Variants in C8orf34 observed in about 807,000 individuals in gnomAD.
The protein encoded by C8orf34 is uncharacterized protein C8orf34.
Under a neutral mutation model 68.3 loss-of-function variants are expected in C8orf34, and 65 were observed. That is an observed-to-expected ratio of 0.95 (90% CI 0.78 to 1.17). C8orf34 has a LOEUF of 1.17. C8orf34 is among the 50% of genes most tolerant of loss of function. The pLI is 0.00. For missense variants in C8orf34, 664 were observed against 655.4 expected, an observed-to-expected ratio of 1.01 and a Z score of -0.14; for synonymous variants, 244 against 241.2, an observed-to-expected ratio of 1.01 and a Z score of -0.11.
intron 11 of C8orf34, among the ~76,000 whole-genome samples, chr8:68,776,816 A>G (rs1348600699): frequency 6.6e-6 from 1 of 152,244 alleles, no homozygotes; most frequent in African/African-American, 2.4e-5. Flanking sequence ...AGAACAATCT[A>G]TACTAGGTCT....
At chr8:68,740,688 A>G (rs1420032082) in intron 10 of C8orf34, among the ~76,000 whole-genome samples, 2 of 152,218 alleles carry the variant, frequency 1.3e-5, no homozygotes, top group Non-Finnish European at 2.9e-5. Flanking sequence ...TCAGTTACTC[A>G]AAGACCTAGA....
At chr8:68,470,954 C>G (rs1280960193) in intron 4 of C8orf34, among the ~76,000 whole-genome samples, 1 of 152,094 alleles carries the variant, frequency 6.6e-6, no homozygotes, top group Non-Finnish European at 1.5e-5. Flanking sequence ...ACAACTGAGT[C>G]CAATGATCAG....
rs1270765698 is a variant in C8orf34 at position 68,510,972 on chromosome 8, AT to A, written c.766-10826del. Among the ~76,000 whole-genome samples, 4 of 152,306 alleles carry A rather than the reference AT, an allele frequency of 2.6e-5. No individual in the cohort carries two copies. The East Asian group carries it at 7.7e-4, about 29-fold the overall frequency. ...GTACAGGGACTGCATAGATGAGGGT[AT>A]GAGGCCAGTCTCCCCAGTGGGCTTA... On this transcript the variant is annotated intron_variant, in intron 5 of 13. Transcript: ENST00000518698.
intron 7 of C8orf34, among the ~76,000 whole-genome samples, chr8:68,605,250 A>G (rs527260068): frequency 6.6e-6 from 1 of 152,256 alleles, no homozygotes; most frequent in South Asian, 2.1e-4. Flanking sequence ...GCTCTCATTC[A>G]TTCCTGGTAG....
At chr8:68,651,644 T>G (rs780651856) in intron 8 of C8orf34, among the ~76,000 whole-genome samples, 2 of 152,178 alleles carry the variant, frequency 1.3e-5, no homozygotes, top group Non-Finnish European at 2.9e-5. Context: ...GTGAAATAGC[T>G]AAGAAACAGA....
chr8:68,661,729 C>T (rs986437229), intron 8 of C8orf34, among the ~76,000 whole-genome samples: 12 of 151,928 alleles, frequency 7.9e-5, no homozygotes, highest in East Asian at 3.9e-4. Flanking sequence ...TAGGTAAGCC[C>T]GTTGTGCAAG....
At chr8:68,494,516 G>A (rs1267240458) in intron 5 of C8orf34, among the ~76,000 whole-genome samples, 1 of 152,102 alleles carries the variant, frequency 6.6e-6, no homozygotes, top group Non-Finnish European at 1.5e-5. Flanking sequence ...ACTAAAAATG[G>A]TTAAGATGGT....
At chr8:68,611,748 T>C (rs941878926) in intron 7 of C8orf34, among the ~76,000 whole-genome samples, 1 of 152,100 alleles carries the variant, frequency 6.6e-6, no homozygotes, top group Admixed American at 6.6e-5. Context: ...GTTTATAGAG[T>C]TTAAATCTGC....
At chr8:68,406,693 G>A (rs1175922586) in intron 1 of C8orf34, among the ~76,000 whole-genome samples, 2 of 151,800 alleles carry the variant, frequency 1.3e-5, no homozygotes, top group South Asian at 2.1e-4. Flanking sequence ...ACAGGGTTTC[G>A]CCATGTTGCC....
chr8:68,724,925 T>C (rs1447643515), intron 10 of C8orf34, among the ~76,000 whole-genome samples: 1 of 152,048 alleles, frequency 6.6e-6, no homozygotes. Context: ...AGTGGTGCTA[T>C]CACAGCTCAC....
At chr8:68,332,324 C>G (rs1481669337) in intron 1 of C8orf34, among the ~76,000 whole-genome samples, 1 of 147,290 alleles carries the variant, frequency 6.8e-6, no homozygotes, top group Non-Finnish European at 1.5e-5. Context: ...TGACCGGCGG[C>G]GAGAGTTCGC....
At chr8:68,450,201 C>T (rs2129627377) in intron 3 of C8orf34, among the ~76,000 whole-genome samples, 1 of 152,276 alleles carries the variant, frequency 6.6e-6, no homozygotes, top group South Asian at 2.1e-4. Flanking sequence ...GAGATTGTGG[C>T]AATTCAGTCA....
chr8:68,639,596 A>G (rs1818944440), intron 7 of C8orf34, among the ~76,000 whole-genome samples: 1 of 152,156 alleles, frequency 6.6e-6, no homozygotes, highest in South Asian at 2.1e-4. Context: ...ATCTTTTGAA[A>G]CTTTATGTAT....
chr8:68,642,761 A>AAT (rs1445288696), intron 8 of C8orf34, among the ~76,000 whole-genome samples: 1 of 152,238 alleles, frequency 6.6e-6, no homozygotes, highest in East Asian at 1.9e-4. Flanking sequence ...GTGTTAGATC[A>AAT]GCAGTCTTCA....
At chr8:68,367,761 AG>A (rs1433816353) in intron 1 of C8orf34, among the ~76,000 whole-genome samples, 6 of 91,802 alleles carry the variant, frequency 6.5e-5, no homozygotes, top group African/African-American at 2.1e-4. Flanking sequence ...GGGTGGGGGG[AG>A]GGGGGATGGA....
chr8:68,422,518 C>T (rs189579644), intron 1 of C8orf34, among the ~76,000 whole-genome samples: 6 of 152,294 alleles, frequency 3.9e-5, no homozygotes, highest in African/African-American at 7.2e-5. Flanking sequence ...CAGCTCTACT[C>T]CTGTGGTTTT....
At position 68,708,113 on chromosome 8, in the gene C8orf34, C is replaced by A. The variant is rs143422142; in HGVS notation, c.1242-881C>A. On this transcript the variant is annotated intron_variant, in intron 8 of 13. Transcript: ENST00000518698. ...TTTCAGGAAATTCCCCTTGAGAATT[C>A]TTTAATTTTCTTATACAATACAGTA... 5.3e-5 allele frequency among the ~76,000 whole-genome samples: 8 copies of A among 152,168 alleles called. No homozygotes were observed. The East Asian group carries it at 1.5e-3, about 29-fold the overall frequency.
chr8:68,728,519 G>T (rs748447549), intron 10 of C8orf34, among the ~76,000 whole-genome samples: 15 of 152,230 alleles, frequency 9.9e-5, no homozygotes, highest in Non-Finnish European at 1.6e-4. Flanking sequence ...CTGTTTTCAC[G>T]CTGCTGATAA....
intron 1 of C8orf34, among the ~76,000 whole-genome samples, chr8:68,349,238 G>A (rs1279461135): frequency 6.6e-6 from 1 of 151,912 alleles, no homozygotes; most frequent in Non-Finnish European, 1.5e-5. Flanking sequence ...ATAATCATGT[G>A]GTTTTTGTCT....
Sources: allele counts gnomAD v4.1 joint callset (sites outside exome capture counted in the v4.1 genomes callset), GRCh38; gene constraint gnomAD v4.1.1; transcripts MANE v1.5; gene names NCBI Gene and HGNC (gene_info 2026-07-23, HGNC 2026-07-21).